The following FILIP1 variants were observed in gnomAD, a reference collection of about 807,000 sequenced individuals.
FILIP1 encodes the protein filamin A interacting protein 1, also known as filamin-A-interacting protein 1.
Under a neutral mutation model 102.1 loss-of-function variants are expected in FILIP1, and 61 were observed. The ratio of observed to expected loss-of-function variants is 0.60; its 90% confidence interval spans 0.49 to 0.74. The LOEUF (loss-of-function observed/expected upper bound fraction) is 0.74. Ranked by LOEUF, FILIP1 falls within the 30% of genes least tolerant of loss-of-function variation. The pLI, the probability that FILIP1 is intolerant of heterozygous loss-of-function variation, is 0.00. For synonymous variants in FILIP1, 491 were observed against 526.9 expected, an observed-to-expected ratio of 0.93 and a Z score of 0.93; for missense variants, 1,314 against 1,441.2, an observed-to-expected ratio of 0.91 and a Z score of 1.43.
chr6:75,485,279 A>G (rs1349603794), intron 1 of FILIP1, among the ~76,000 whole-genome samples: 2 of 152,196 alleles, frequency 1.3e-5, no homozygotes, highest in Non-Finnish European at 2.9e-5. Flanking sequence ...AGCAAACAGT[A>G]TATTTGCTTC....
Position 75,439,525 on chromosome 6 carries a change from A to G in FILIP1, c.-6-24547T>C, listed in dbSNP as rs190898170. On this transcript the variant is annotated intron_variant, in intron 1 of 5. Coordinates refer to ENST00000237172, the MANE Select transcript of FILIP1 (RefSeq NM_015687.5). ...AAGGAGGGCAGGCATAGGACAATGA[A>G]AAGTAAGCTATTCTTAATGCTGTAA... is the stretch of plus-strand genomic sequence containing the variant. 8.0e-4 allele frequency among the ~76,000 whole-genome samples: 122 copies of G among 152,366 alleles called. 1 individual carries two copies. The East Asian group carries it at 0.019, about 23-fold the overall frequency.
At chr6:75,328,794 GT>G (rs146942288) in intron 4 of FILIP1, among the ~76,000 whole-genome samples, 3 of 151,926 alleles carry the variant, frequency 2.0e-5, no homozygotes, top group African/African-American at 4.8e-5. Context: ...AGCTAATAAT[GT>G]TTTTTTAAAA....
chr6:75,379,057 A>C (rs1775825187), intron 2 of FILIP1, among the ~76,000 whole-genome samples: 1 of 152,228 alleles, frequency 6.6e-6, no homozygotes, highest in African/African-American at 2.4e-5. Context: ...ATCGAACTTA[A>C]TGCTTTCATT....
chr6:75,397,746 T>C (rs1776517840), intron 2 of FILIP1, among the ~76,000 whole-genome samples: 2 of 152,144 alleles, frequency 1.3e-5, no homozygotes, highest in Admixed American at 6.6e-5. Flanking sequence ...TTTGAGCCTG[T>C]GAGACGGATT....
At chr6:75,377,076 GC>G (rs201503689) in intron 2 of FILIP1, among the ~76,000 whole-genome samples, 1,697 of 152,052 alleles carry the variant, frequency 0.011, 37 homozygotes, top group African/African-American at 0.039. Flanking sequence ...GGTAAATATT[GC>G]CCATATATGA....
intron 1 of FILIP1, among the ~76,000 whole-genome samples, chr6:75,432,791 C>A (rs1343612595): frequency 3.9e-5 from 6 of 152,108 alleles, no homozygotes. Context: ...ATTAACTCGT[C>A]ATTTACATTA....
intron 2 of FILIP1, among the ~76,000 whole-genome samples, chr6:75,411,209 T>C (rs1011689244): frequency 6.6e-6 from 1 of 152,246 alleles, no homozygotes; most frequent in East Asian, 1.9e-4. Context: ...GTTGGCCACA[T>C]AAATATCTTC....
chr6:75,322,899 G>T (rs117769457), intron 4 of FILIP1, among the ~76,000 whole-genome samples: 67 of 152,048 alleles, frequency 4.4e-4, no homozygotes, highest in Non-Finnish European at 4.6e-4. Context: ...TTACCATCTC[G>T]GCCAGGCTGG....
At chr6:75,470,475 GT>G (rs1229400473) in intron 1 of FILIP1, among the ~76,000 whole-genome samples, 1 of 152,136 alleles carries the variant, frequency 6.6e-6, no homozygotes, top group Non-Finnish European at 1.5e-5. Flanking sequence ...GGCTGGGCAA[GT>G]TATTTGATAT....
chr6:75,448,547 T>C (rs1231616649), intron 1 of FILIP1, among the ~76,000 whole-genome samples: 1 of 151,864 alleles, frequency 6.6e-6, no homozygotes, highest in African/African-American at 2.4e-5. Flanking sequence ...AAGGAAATAA[T>C]GAGCAGAGTA....
chr6:75,320,132 C>A (rs1444896742), intron 4 of FILIP1, among the ~76,000 whole-genome samples: 1 of 152,190 alleles, frequency 6.6e-6, no homozygotes, highest in African/African-American at 2.4e-5. Context: ...AATGCAAATT[C>A]CATGAGGGTA....
intron 2 of FILIP1, among the ~76,000 whole-genome samples, chr6:75,413,555 A>T (rs577371371): frequency 3.3e-5 from 5 of 152,236 alleles, no homozygotes; most frequent in South Asian, 2.1e-4. Context: ...ATGCACACAC[A>T]GATGATAACA....
intron 1 of FILIP1, among the ~76,000 whole-genome samples, chr6:75,477,852 A>G (rs1023843677): frequency 3.3e-5 from 5 of 152,214 alleles, no homozygotes; most frequent in African/African-American, 1.2e-4. Flanking sequence ...TGAGAATATA[A>G]TTGGCTAGAC....
chr6:75,456,292 T>G (rs547838794), intron 1 of FILIP1, among the ~76,000 whole-genome samples: 1 of 152,328 alleles, frequency 6.6e-6, no homozygotes, highest in East Asian at 1.9e-4. Context: ...AACAAAGATT[T>G]ATCCAGCCCA....
chr6:75,477,561 TATTA>T (rs1459572441), intron 1 of FILIP1, among the ~76,000 whole-genome samples: 2 of 151,624 alleles, frequency 1.3e-5, no homozygotes, highest in African/African-American at 4.8e-5. Context: ...TCAAAAATAA[TATTA>T]ATAATTTAAA....
chr6:75,402,319 A>G (rs1228543392), intron 2 of FILIP1, among the ~76,000 whole-genome samples: 2 of 152,176 alleles, frequency 1.3e-5, no homozygotes, highest in Admixed American at 6.6e-5. Context: ...GCAAAGAATC[A>G]GATCTGGTTC....
At chr6:75,354,027 T>C (rs1774903178) in intron 3 of FILIP1, among the ~76,000 whole-genome samples, 1 of 152,196 alleles carries the variant, frequency 6.6e-6, no homozygotes. Context: ...TTGATGACCA[T>C]TTTGGTAGTT....
At chr6:75,441,721 C>A (rs1305433239) in intron 1 of FILIP1, among the ~76,000 whole-genome samples, 1 of 144,836 alleles carries the variant, frequency 6.9e-6, no homozygotes, top group Non-Finnish European at 1.5e-5. Context: ...GACCCCCCCA[C>A]CTCCCTCCCG....
chr6:75,466,894 C>T (rs1252787779), intron 1 of FILIP1, among the ~76,000 whole-genome samples: 1 of 152,182 alleles, frequency 6.6e-6, no homozygotes, highest in Non-Finnish European at 1.5e-5. Flanking sequence ...TTGGGCAGCA[C>T]AGCTTTAGTT....
Sources: allele counts gnomAD v4.1 joint callset (sites outside exome capture counted in the v4.1 genomes callset), GRCh38; gene constraint gnomAD v4.1.1; transcripts MANE v1.5; gene names NCBI Gene and HGNC (gene_info 2026-07-23, HGNC 2026-07-21).